The following ACYP2 variants were observed in gnomAD, a reference collection of about 807,000 sequenced individuals.
The protein encoded by ACYP2 is acylphosphatase 2.
In ACYP2, 12 loss-of-function variants were observed where a neutral mutation model predicts 11.2. The observed-to-expected ratio is 1.08, with a 90% CI of 0.69 to 1.74. The LOEUF (loss-of-function observed/expected upper bound fraction) is 1.74, where lower values mean the gene tolerates loss of function less well. ACYP2 is among the 40% of genes most tolerant of loss of function. ACYP2 has a pLI of 0.00. For synonymous variants in ACYP2, 43 were observed against 32.2 expected (o/e 1.33, Z -1.13); for missense variants, 134 against 101.9 (o/e 1.31, Z -1.35).
At chr2:53,978,891 C>A (rs1469052222) in intron 2 of ACYP2, among the ~76,000 whole-genome samples, 1 of 151,850 alleles carries the variant, frequency 6.6e-6, no homozygotes, top group Non-Finnish European at 1.5e-5. Context: ...CCACTGCACT[C>A]CAGCCTGGAT....
intron 4 of ACYP2, among the ~76,000 whole-genome samples, chr2:54,071,601 G>C (rs562939545): frequency 1.2e-4 from 18 of 152,192 alleles, no homozygotes; most frequent in Non-Finnish European, 2.2e-4. Flanking sequence ...GAGTAGCTGA[G>C]ACTACAGGTG....
At position 54,279,123 on chromosome 2, in the gene ACYP2, C is replaced by G. The variant is rs1000610587; in HGVS notation, c.405-25565C>G. ...ATTTAAAAACTAATATGAAGTATAT[C>G]AAGAATTTAAGAACTGCTGTTTCAT... is the stretch of plus-strand genomic sequence containing the variant. On this transcript the variant is annotated intron_variant, in intron 6 of 6. Transcript: ENST00000607452. Among the ~76,000 whole-genome samples, 5 of 152,308 alleles carry G rather than the reference C, an allele frequency of 3.3e-5. No individual in the cohort carries two copies. In the South Asian group the frequency reaches 8.3e-4, roughly 25 times the overall value.
At chr2:54,133,542 C>G (rs1222857708) in intron 4 of ACYP2, among the ~76,000 whole-genome samples, 3 of 152,140 alleles carry the variant, frequency 2.0e-5, no homozygotes, top group Admixed American at 2.0e-4. Context: ...AATTTCTGCA[C>G]CTGATACATT....
chr2:54,033,002 G>T (rs1558483510), intron 2 of ACYP2, among the ~76,000 whole-genome samples: 2 of 152,164 alleles, frequency 1.3e-5, no homozygotes, highest in Non-Finnish European at 2.9e-5. Context: ...AAAAACTATT[G>T]ACAAAAACCA....
intron 2 of ACYP2, among the ~76,000 whole-genome samples, chr2:54,035,029 A>AAAAAAAAAAAAAAAAAAAAAAAC (rs1448900977): frequency 6.9e-6 from 1 of 145,524 alleles, no homozygotes; most frequent in Non-Finnish European, 1.5e-5. Context: ...AAAAAAAAAA[A>AAAAAAAAAAAAAAAAAAAAAAAC]AAAGCCTAGA....
At chr2:54,264,971 A>G (rs1687949637) in intron 6 of ACYP2, among the ~76,000 whole-genome samples, 1 of 152,246 alleles carries the variant, frequency 6.6e-6, no homozygotes, top group African/African-American at 2.4e-5. Context: ...ACAAAGTTCA[A>G]CTACAATGCC....
Position 53,973,777 on chromosome 2 carries a change from G to A in ACYP2, c.29G>A (p.Gly10Asp), listed in dbSNP as rs554234623. 6.0e-5 allele frequency: 21 copies of A among 347,866 alleles called. No individual in the cohort carries two copies. In the South Asian group the frequency reaches 2.0e-3, roughly 32 times the overall value. 21.5% of individuals were successfully genotyped at this position (347,866 alleles called of 1,614,324 possible). A position where few individuals can be genotyped will look rare whatever the true frequency, so the allele number is the denominator to read the frequency against. ...TTGCTCACACAAAGCCTGTTTGGTG[G>A]TCTCTTCCCACGGACGCGCGAGACA... Residue 10 changes from glycine to aspartate, a missense_variant, in exon 2 of 7, where the codon GGT becomes GAT. Coordinates refer to ENST00000607452, the MANE Select transcript of ACYP2 (RefSeq NM_001320586.2).
chr2:54,138,483 A>G (rs139646193), intron 5 of ACYP2, among the ~76,000 whole-genome samples, 156 bp from the exon 3 acceptor site: 2 of 152,372 alleles, frequency 1.3e-5, no homozygotes, highest in East Asian at 1.9e-4. Flanking sequence ...GAAGGTTCTT[A>G]TAAGTAGAGG....
At chr2:54,136,350 A>C (rs1470341093) in intron 5 of ACYP2, among the ~76,000 whole-genome samples, 1 of 152,034 alleles carries the variant, frequency 6.6e-6, no homozygotes, top group Admixed American at 6.6e-5. Flanking sequence ...TAATTTTTTT[A>C]AAGTACTCCT....
chr2:54,159,905 C>G (rs1432941015), intron 6 of ACYP2, among the ~76,000 whole-genome samples: 1 of 152,158 alleles, frequency 6.6e-6, no homozygotes, highest in Non-Finnish European at 1.5e-5. Flanking sequence ...ATGCTTCCTT[C>G]TTGTCTCCAC....
At chr2:54,024,401 G>A (rs1674166488) in intron 2 of ACYP2, among the ~76,000 whole-genome samples, 1 of 152,014 alleles carries the variant, frequency 6.6e-6, no homozygotes, top group African/African-American at 2.4e-5. Flanking sequence ...TGATCAAGTG[G>A]GTTTCATACC....
intron 6 of ACYP2, among the ~76,000 whole-genome samples, chr2:54,167,463 C>T (rs1364621480): frequency 3.3e-5 from 5 of 152,046 alleles, no homozygotes; most frequent in Admixed American, 6.6e-5. Context: ...CAGAGAATAG[C>T]GTAATACCCA....
chr2:54,209,118 GT>G (rs1685220336), intron 6 of ACYP2, among the ~76,000 whole-genome samples: 1 of 151,134 alleles, frequency 6.6e-6, no homozygotes, highest in African/African-American at 2.4e-5. Context: ...AAAAAAATCT[GT>G]TTTCTTAAAA....
chr2:54,137,422 C>T (rs1414917575), intron 5 of ACYP2, among the ~76,000 whole-genome samples: 2 of 152,240 alleles, frequency 1.3e-5, no homozygotes, highest in East Asian at 3.9e-4. Flanking sequence ...TTCTACTCCT[C>T]TCCCTCCTCC....
chr2:54,174,857 C>A (rs186958336), intron 6 of ACYP2, among the ~76,000 whole-genome samples: 1 of 152,138 alleles, frequency 6.6e-6, no homozygotes, highest in African/African-American at 2.4e-5. Flanking sequence ...AACCAGCCAG[C>A]CTTGCATCCC....
intron 6 of ACYP2, among the ~76,000 whole-genome samples, chr2:54,277,503 C>T (rs1330087044): frequency 1.3e-5 from 2 of 152,002 alleles, no homozygotes; most frequent in Non-Finnish European, 2.9e-5. Context: ...CATGGTGAAA[C>T]CCCGTCTCTA....
chr2:53,985,793 A>G (rs1248094433), intron 2 of ACYP2, among the ~76,000 whole-genome samples: 1 of 152,170 alleles, frequency 6.6e-6, no homozygotes, highest in African/African-American at 2.4e-5. Context: ...GAGTGAGTTC[A>G]GGCTCTATTT....
At chr2:54,072,594 A>C (rs1311405169) in intron 4 of ACYP2, among the ~76,000 whole-genome samples, 35 of 90,316 alleles carry the variant, frequency 3.9e-4, no homozygotes, top group South Asian at 6.7e-4. Context: ...ACAGAGCCTC[A>C]CTCTGTTGCC....
intron 6 of ACYP2, among the ~76,000 whole-genome samples, chr2:54,245,847 G>A (rs1045859014): frequency 1.4e-4 from 21 of 151,800 alleles, no homozygotes; most frequent in Admixed American, 3.3e-4. Flanking sequence ...TTTGATGTGC[G>A]GAAGCTTTTC....
Sources: gnomAD v4.1 joint callset for allele counts (sites outside exome capture counted in the v4.1 genomes callset) on GRCh38, gnomAD v4.1.1 for gene constraint, MANE v1.5 for transcripts, NCBI Gene and HGNC (gene_info 2026-07-23, HGNC 2026-07-21) for gene names.